The following TP63 variants were observed in gnomAD, a reference collection of about 807,000 sequenced individuals.
TP63 encodes tumor protein 63.
Under a neutral mutation model 82.8 loss-of-function variants are expected in TP63, and 17 were observed. The ratio of observed to expected loss-of-function variants is 0.21; its 90% confidence interval spans 0.14 to 0.31. The LOEUF (loss-of-function observed/expected upper bound fraction) is 0.31, where lower values mean the gene tolerates loss of function less well. TP63 is among the 10% of genes least tolerant of loss of function. The pLI, the probability that TP63 is intolerant of heterozygous loss-of-function variation, is 1.00. For missense variants in TP63, 648 were observed against 895.3 expected (o/e 0.72, Z 3.52); for synonymous variants, 330 against 321.7 (o/e 1.03, Z -0.28).
intron 3 of TP63, among the ~76,000 whole-genome samples, chr3:189,796,913 A>T (rs554073991): frequency 6.6e-6 from 1 of 152,230 alleles, no homozygotes; most frequent in African/African-American, 2.4e-5. Flanking sequence ...TTCAAAGACA[A>T]AGTACAAATG....
At chr3:189,734,829 C>A (rs774343089) in intron 1 of TP63, among the ~76,000 whole-genome samples, 1 of 152,162 alleles carries the variant, frequency 6.6e-6, no homozygotes, top group Non-Finnish European at 1.5e-5. Flanking sequence ...TTGACCTTTT[C>A]CAACCTGCCT....
chr3:189,694,512 G>A (rs1717188803), intron 1 of TP63, among the ~76,000 whole-genome samples: 1 of 152,080 alleles, frequency 6.6e-6, no homozygotes, highest in African/African-American at 2.4e-5. Flanking sequence ...CTTAAGGCAT[G>A]CTGTTCAGAA....
At chr3:189,840,359 CTTTTTT>C in intron 4 of TP63, among the ~76,000 whole-genome samples, 44 of 44,444 alleles carry the variant, frequency 9.9e-4, no homozygotes, top group African/African-American at 4.3e-3. Context: ...TGCTTTTCGT[CTTTTTT>C]TTTTTTTTTT....
intron 1 of TP63, among the ~76,000 whole-genome samples, chr3:189,687,651 C>T (rs189172953): frequency 6.6e-6 from 1 of 152,292 alleles, no homozygotes; most frequent in Non-Finnish European, 1.5e-5. Context: ...GTAGTAGGGC[C>T]ACTAGAGGGA....
chr3:189,603,612 T>C, the TP63 span, among the ~76,000 whole-genome samples: 5 of 147,240 alleles, frequency 3.4e-5, no homozygotes, highest in Non-Finnish European at 7.4e-5. Context: ...CAGTCACTTT[T>C]TGGAGTTTTA....
intron 1 of TP63, among the ~76,000 whole-genome samples, chr3:189,718,837 T>C (rs1719157723): frequency 1.3e-5 from 2 of 152,052 alleles, no homozygotes; most frequent in South Asian, 4.2e-4. Flanking sequence ...GAAATTACTT[T>C]TGAGCTTTAC....
At chr3:189,776,207 C>A (rs1325603075) in intron 3 of TP63, among the ~76,000 whole-genome samples, 1 of 152,172 alleles carries the variant, frequency 6.6e-6, no homozygotes, top group African/African-American at 2.4e-5. Context: ...TTTCTAAAGT[C>A]TCTTGATGTA....
At chr3:189,796,329 A>G (rs988485025) in intron 3 of TP63, among the ~76,000 whole-genome samples, 1 of 152,036 alleles carries the variant, frequency 6.6e-6, no homozygotes, top group African/African-American at 2.4e-5. Flanking sequence ...TCCCACATCA[A>G]TATCCTCCCT....
chr3:189,669,794 C>T (rs1714734534), intron 1 of TP63, among the ~76,000 whole-genome samples: 1 of 151,494 alleles, frequency 6.6e-6, no homozygotes, highest in African/African-American at 2.4e-5. Flanking sequence ...GTAAAGCAAG[C>T]CAATAGAGAA....
chr3:189,690,501 G>T (rs1390704460), intron 1 of TP63, among the ~76,000 whole-genome samples: 2 of 152,108 alleles, frequency 1.3e-5, no homozygotes, highest in Non-Finnish European at 2.9e-5. Flanking sequence ...TGTCACTGAG[G>T]TCTCATGTGG....
chr3:189,749,194 G>T (rs75492105), intron 3 of TP63, among the ~76,000 whole-genome samples: 1 of 151,832 alleles, frequency 6.6e-6, no homozygotes, highest in Non-Finnish European at 1.5e-5. Flanking sequence ...TAAAAATGGG[G>T]CTATTAAACT....
intron 1 of TP63, among the ~76,000 whole-genome samples, chr3:189,711,190 G>C (rs951536856): frequency 6.6e-6 from 1 of 152,078 alleles, no homozygotes; most frequent in African/African-American, 2.4e-5. Flanking sequence ...ATCATTTACA[G>C]CATAGATTTT....
chr3:189,650,437 A>G (rs2108635078), intron 1 of TP63, among the ~76,000 whole-genome samples: 1 of 146,656 alleles, frequency 6.8e-6, no homozygotes, highest in East Asian at 2.4e-4. Context: ...CATAATCCCC[A>G]TCTGTTATGA....
At chr3:189,618,919 T>C in the TP63 span, among the ~76,000 whole-genome samples, 234 of 152,262 alleles carry the variant, frequency 1.5e-3, 2 homozygotes, top group Non-Finnish European at 2.2e-4. Context: ...TCCAGACTTT[T>C]TCAAGCCACC....
At chr3:189,732,439 CT>C (rs2108786041) in intron 1 of TP63, among the ~76,000 whole-genome samples, 1 of 152,310 alleles carries the variant, frequency 6.6e-6, no homozygotes, top group African/African-American at 2.4e-5. Context: ...CATATAATTA[CT>C]TTATTTTTAT....
At chr3:189,646,396 A>G (rs1342868984) in intron 1 of TP63, among the ~76,000 whole-genome samples, 1 of 147,296 alleles carries the variant, frequency 6.8e-6, no homozygotes, top group Non-Finnish European at 1.5e-5. Flanking sequence ...GCTCTTGCTT[A>G]TCTCACAGAT....
the TP63 span, among the ~76,000 whole-genome samples, chr3:189,622,894 G>A: frequency 3.9e-5 from 6 of 152,220 alleles, no homozygotes. Context: ...GTCTGTGAAA[G>A]TGTTCTGTAC....
At chr3:189,612,418 A>G in the TP63 span, among the ~76,000 whole-genome samples, 2 of 152,116 alleles carry the variant, frequency 1.3e-5, no homozygotes, top group African/African-American at 4.8e-5. Context: ...CTGCCATGTA[A>G]GAAGTGCTTT....
the TP63 span, among the ~76,000 whole-genome samples, chr3:189,617,443 G>T: frequency 6.6e-6 from 1 of 152,166 alleles, no homozygotes; most frequent in Admixed American, 6.5e-5. Flanking sequence ...TACCTGTCCT[G>T]TACCTGAGGT....
Sources: gnomAD v4.1 joint callset for allele counts (sites outside exome capture counted in the v4.1 genomes callset) on GRCh38, gnomAD v4.1.1 for gene constraint, MANE v1.5 for transcripts, NCBI Gene and HGNC (gene_info 2026-07-23, HGNC 2026-07-21) for gene names.